ARHGAP22: variants seen among roughly 807,000 people sequenced by gnomAD.
The protein encoded by ARHGAP22 is rho GTPase-activating protein 22.
In ARHGAP22, 48 loss-of-function variants were observed where a neutral mutation model predicts 59.1. The observed-to-expected ratio is 0.81, with a 90% CI of 0.64 to 1.03. The LOEUF (loss-of-function observed/expected upper bound fraction) is 1.03, where lower values mean the gene tolerates loss of function less well. Ranked by LOEUF, ARHGAP22 falls within the 50% of genes least tolerant of loss-of-function variation. ARHGAP22 has a pLI of 0.00. For missense variants in ARHGAP22, 1,015 were observed against 958.7 expected, an observed-to-expected ratio of 1.06 and a Z score of -0.78; for synonymous variants, 445 against 416.4, an observed-to-expected ratio of 1.07 and a Z score of -0.84.
chr10:48,568,525 A>G (rs10776619), intron 2 of ARHGAP22, among the ~76,000 whole-genome samples: 60,019 of 151,824 alleles, frequency 0.4, 13,419 homozygotes, highest in East Asian at 0.89. Flanking sequence ...TGCAGTTGAG[A>G]CAGGTATGTT....
intron 3 of ARHGAP22, among the ~76,000 whole-genome samples, chr10:48,554,001 G>A (rs1225801702): frequency 2.0e-5 from 3 of 152,212 alleles, no homozygotes; most frequent in African/African-American, 7.2e-5. Context: ...TATCTGAATA[G>A]CTGAGGCCTT....
chr10:48,620,846 C>G (rs552358211), intron 1 of ARHGAP22, among the ~76,000 whole-genome samples: 6 of 150,586 alleles, frequency 4.0e-5, no homozygotes, highest in East Asian at 1.9e-4. Flanking sequence ...GACGTCTCCC[C>G]ACTCTGGCCA....
At chr10:48,457,343 C>T (rs964226677) in intron 5 of ARHGAP22, among the ~76,000 whole-genome samples, 1 of 152,186 alleles carries the variant, frequency 6.6e-6, no homozygotes, top group African/African-American at 2.4e-5. Context: ...CAGGGCTCCT[C>T]CCTGAGCAGC....
intron 3 of ARHGAP22, among the ~76,000 whole-genome samples, chr10:48,550,471 G>A (rs1280847938): frequency 3.9e-5 from 6 of 152,230 alleles, no homozygotes; most frequent in Admixed American, 1.3e-4. Flanking sequence ...GCTCCGAGGT[G>A]TAGCCATGCA....
In ARHGAP22 at chr10:48,623,389, C is replaced by T. The variant is rs61838407; in HGVS notation, c.52+28845G>A. ...ATTTTAGCTTTCTTACTGTCTTTGT[C>T]GAGAAAAGATTTCATCCTTCTTATG... is the stretch of plus-strand genomic sequence containing the variant. On this transcript the variant is annotated intron_variant, in intron 1 of 9. Coordinates refer to the ARHGAP22 transcript ENST00000435790. Among the ~76,000 whole-genome samples, 220 of 152,274 alleles carry T rather than the reference C, an allele frequency of 1.4e-3. 1 individual carries two copies. Among genetic ancestry groups the T allele is most frequent in the Admixed American group, 6.2e-3 (95 of 15,310 alleles).
At chr10:48,484,875 G>C (rs902795595) in intron 3 of ARHGAP22, among the ~76,000 whole-genome samples, 1 of 152,178 alleles carries the variant, frequency 6.6e-6, no homozygotes, top group African/African-American at 2.4e-5. Flanking sequence ...AGCCTTGCTG[G>C]AGGATTACCA....
chr10:48,454,000 C>T, intron 7 of ARHGAP22, 88 bp downstream of exon 7: 2 of 1,397,846 alleles, frequency 1.4e-6, no homozygotes, highest in Non-Finnish European at 1.0e-6. Flanking sequence ...CCCCCTCTGA[C>T]AAGGAAGAGT....
intron 1 of ARHGAP22, chr10:48,624,023 T>A (rs1426765087): frequency 6.6e-6 from 1 of 152,270 alleles, no homozygotes; most frequent in East Asian, 1.9e-4. Flanking sequence ...CATGCCTGCT[T>A]GGCCACTGAT....
chr10:48,572,574 T>C (rs2058465234), intron 2 of ARHGAP22, among the ~76,000 whole-genome samples: 1 of 152,184 alleles, frequency 6.6e-6, no homozygotes, highest in Non-Finnish European at 1.5e-5. Flanking sequence ...ATGAGTCACA[T>C]TTAATATGGA....
At chr10:48,455,262 C>T (rs1177269388) in intron 5 of ARHGAP22, 128 bp from the exon 6 acceptor site, 11 of 1,127,628 alleles carry the variant, frequency 9.8e-6, no homozygotes, top group Non-Finnish European at 1.3e-5. Flanking sequence ...CTGGGGGCTG[C>T]ATCTGCGGCC....
intron 3 of ARHGAP22, among the ~76,000 whole-genome samples, chr10:48,496,269 C>G (rs1044210627): frequency 4.3e-4 from 65 of 152,210 alleles, no homozygotes; most frequent in African/African-American, 1.5e-3. Flanking sequence ...CAGTGGGGCT[C>G]TGGTGGTATG....
intron 3 of ARHGAP22, among the ~76,000 whole-genome samples, chr10:48,532,172 G>C (rs965964004): frequency 2.0e-5 from 3 of 152,206 alleles, no homozygotes; most frequent in East Asian, 3.8e-4. Context: ...CACCCGCCCA[G>C]GTTATGCGAG....
At chr10:48,556,686 T>C (rs1045487546) in intron 2 of ARHGAP22, 1 of 152,238 alleles carries the variant, frequency 6.6e-6, no homozygotes, top group Non-Finnish European at 1.5e-5. Context: ...ATCAAATGAA[T>C]TAGTACTTGG....
At chr10:48,589,892 C>T (rs769489848) in intron 1 of ARHGAP22, among the ~76,000 whole-genome samples, 16 of 152,154 alleles carry the variant, frequency 1.1e-4, no homozygotes, top group Admixed American at 5.2e-4. Flanking sequence ...ATGGTATTTA[C>T]TACACACAGA....
intron 4 of ARHGAP22, among the ~76,000 whole-genome samples, chr10:48,464,264 C>T (rs1427317833): frequency 3.9e-5 from 6 of 152,228 alleles, no homozygotes; most frequent in Non-Finnish European, 8.8e-5. Context: ...CTCCACCAGA[C>T]CCTAGGGGTG....
intron 2 of ARHGAP22, among the ~76,000 whole-genome samples, chr10:48,573,721 C>A (rs2058537684): frequency 6.6e-6 from 1 of 152,228 alleles, no homozygotes; most frequent in African/African-American, 2.4e-5. Context: ...TCAACCACAG[C>A]AACTTCCATT....
chr10:48,508,682 C>A (rs144072334), intron 3 of ARHGAP22, among the ~76,000 whole-genome samples: 2 of 152,362 alleles, frequency 1.3e-5, no homozygotes, highest in Non-Finnish European at 2.9e-5. Context: ...TCCTGCAGGG[C>A]CAGGGAAGGC....
chr10:48,583,192 G>T, intron 1 of ARHGAP22, 40 bp from the exon 2 acceptor site: 1 of 1,591,278 alleles, frequency 6.3e-7, no homozygotes, highest in Non-Finnish European at 8.6e-7. Context: ...TGAAGGCAGC[G>T]TGCCTGCTAT....
intron 3 of ARHGAP22, among the ~76,000 whole-genome samples, chr10:48,501,782 C>T (rs565394417): frequency 6.0e-5 from 9 of 151,084 alleles, no homozygotes; most frequent in East Asian, 1.9e-4. Flanking sequence ...TGAAGTGATA[C>T]GGGATGCTCC....
Sources: gnomAD v4.1 joint callset for allele counts (sites outside exome capture counted in the v4.1 genomes callset) on GRCh38, gnomAD v4.1.1 for gene constraint, MANE v1.5 for transcripts, NCBI Gene and HGNC (gene_info 2026-07-23, HGNC 2026-07-21) for gene names.